Variants in LSP1 observed in about 807,000 individuals in gnomAD.
The protein encoded by LSP1 is lymphocyte specific protein 1, also known as lymphocyte-specific protein 1.
LSP1 carries 32 observed loss-of-function variants against 49.3 expected under a neutral mutation model. The ratio of observed to expected loss-of-function variants is 0.65; its 90% CI spans 0.49 to 0.87. The LOEUF (loss-of-function observed/expected upper bound fraction) is 0.87, where lower values mean the gene tolerates loss of function less well. Ranked by LOEUF, LSP1 falls within the 40% of genes least tolerant of loss-of-function variation. The pLI is 0.00. For missense variants in LSP1, 428 were observed against 442.6 expected (o/e 0.97, Z 0.30); for synonymous variants, 179 against 178.8 (o/e 1.00, Z -0.01).
chr11:1,873,847 G>A (rs964061862), intron 1 of LSP1, among the ~76,000 whole-genome samples: 1 of 136,330 alleles, frequency 7.3e-6, no homozygotes, highest in African/African-American at 2.8e-5. Flanking sequence ...GAGGGAGGCC[G>A]GCAGAGGAGG....
rs1430683994 is a variant in LSP1, at chr11:1,884,064, C to T, written c.591+40C>T. 5 of 1,572,524 alleles carry T rather than the reference C, an allele frequency of 3.2e-6. No individual in the cohort carries two copies. The highest frequency in any genetic ancestry group is 4.3e-6 in the Non-Finnish European group (5 of 1,153,042). On this transcript the variant is annotated intron_variant, in intron 5 of 10. Coordinates refer to ENST00000311604, the MANE Select transcript of LSP1 (RefSeq NM_002339.3). The surrounding 1 kb of genome is among the most constrained non-coding windows in gnomAD (Gnocchi z 4.1). Reference sequence around the variant, plus strand: ...AAAGCCTGCCATCTTCTCCCCTCTCCCGTACTCATACCCAAAAGGCCAATC... The same window carrying T: ...AAAGCCTGCCATCTTCTCCCCTCTCTCGTACTCATACCCAAAAGGCCAATC...
intron 10 of LSP1, 82 bp downstream of exon 10, chr11:1,887,658 T>A: frequency 2.7e-6 from 3 of 1,099,236 alleles, no homozygotes; most frequent in Non-Finnish European, 4.1e-6. Flanking sequence ...GGAGGCTGCC[T>A]GGAGCCCTGT....
At chr11:1,864,351 C>T (rs1320033742) in intron 1 of LSP1, 14 of 603,772 alleles carry the variant, frequency 2.3e-5, no homozygotes, top group South Asian at 7.1e-5. Context: ...AGGTGGGAGG[C>T]GGCGATGGGC....
Position 1,891,966 on chromosome 11 carries a change from C to G in LSP1, c.*207C>G, listed in dbSNP as rs1044563201. 7.2e-5 allele frequency: 11 copies of G among 152,422 alleles called. No homozygotes were observed. The highest frequency in any genetic ancestry group is 2.0e-4 in the Admixed American group (3 of 15,278). 9.4% of individuals were successfully genotyped at this position (152,422 alleles called of 1,614,324 possible). A position where few individuals can be genotyped will look rare whatever the true frequency, so the allele number is the denominator to read the frequency against. On this transcript the variant is annotated 3_prime_UTR_variant, in exon 11 of 11. Transcript: ENST00000311604. ...CCTTTAGCCTCTCTGCCCTTCCACT[C>G]TCTGACCACCGCCCCCGCCCTCCCC... is the stretch of plus-strand genomic sequence containing the variant.
At position 1,884,382 on chromosome 11, in the gene LSP1, G is replaced by A; in HGVS notation, c.635+59G>A. 1.2e-6 allele frequency: 2 copies of A among 1,611,552 alleles called. No homozygotes were observed. The highest frequency in any genetic ancestry group is 1.7e-6 in the Non-Finnish European group (2 of 1,177,820). The stretch of plus-strand genomic sequence containing the variant: ...AGATCTTAGGTTTAACCAAGTGGGG[G>A]TTGAAGGGAGTCACAAGGTAGAGAT... On this transcript the variant is annotated intron_variant, in intron 6 of 10. Coordinates refer to ENST00000311604, the MANE Select transcript of LSP1 (RefSeq NM_002339.3). This position sits in a 1 kb window ranked among gnomAD's most constrained non-coding sequence, Gnocchi z 4.1.
intron 1 of LSP1, among the ~76,000 whole-genome samples, chr11:1,853,531 G>A (rs953826748): frequency 3.3e-5 from 5 of 152,216 alleles, no homozygotes; most frequent in Non-Finnish European, 7.3e-5. Flanking sequence ...AGGAGCTGGG[G>A]ACTGTGGGCC....
chr11:1,889,247 C>T (rs764352352), intron 10 of LSP1: 2 of 674,088 alleles, frequency 3.0e-6, no homozygotes, highest in East Asian at 2.7e-5. Context: ...TGGCCTCCTG[C>T]AGCTTCCGGG....
chr11:1,883,751 G>A (rs1848644949), intron 4 of LSP1, among the ~76,000 whole-genome samples, 181 bp from the exon 5 acceptor site: 1 of 152,148 alleles, frequency 6.6e-6, no homozygotes, highest in Non-Finnish European at 1.5e-5. Context: ...CCTCTTGCAA[G>A]ATCCGGAGAC....
At chr11:1,870,656 G>C (rs35241556) in intron 1 of LSP1, 13 of 1,083,620 alleles carry the variant, frequency 1.2e-5, no homozygotes, top group Non-Finnish European at 1.4e-5. Flanking sequence ...TGTGGCTCCC[G>C]CCCAGGTGGG....
intron 1 of LSP1, chr11:1,866,647 C>T (rs1435814360): frequency 6.4e-7 from 1 of 1,550,446 alleles, no homozygotes; most frequent in East Asian, 2.4e-5. Context: ...GCTGGTCAGA[C>T]CTCCCTCCCT....
intron 1 of LSP1, chr11:1,870,799 G>A: frequency 1.1e-5 from 11 of 989,020 alleles, no homozygotes; most frequent in Non-Finnish European, 1.3e-5. Flanking sequence ...AAAGAGGATG[G>A]CAGAGCCTCG....
At chr11:1,880,445 C>T (rs1234890253) in intron 2 of LSP1, among the ~76,000 whole-genome samples, 1 of 152,050 alleles carries the variant, frequency 6.6e-6, no homozygotes. Flanking sequence ...GCCTCCTGGG[C>T]GCTGACCCAG....
rs749178599 is a variant in LSP1, at chr11:1,884,251, A to G, written c.592-29A>G. The G allele has an allele frequency of 3.1e-6, 5 of 1,613,618 alleles. No homozygotes were observed. Among genetic ancestry groups the G allele is most frequent in the Non-Finnish European group, 4.2e-6 (5 of 1,179,706 alleles). ...GGGTGGGCTTTACCTCGGCTGCTGC[A>G]GGCCTGTGTCTCTCTCCACCCTCTG... is the stretch of plus-strand genomic sequence containing the variant. On this transcript the variant is annotated intron_variant, in intron 5 of 10. Transcript: ENST00000311604. This position sits in a 1 kb window ranked among gnomAD's most constrained non-coding sequence, Gnocchi z 4.1.
intron 1 of LSP1, chr11:1,868,846 C>T (rs114933670): frequency 0.043 from 42,035 of 985,836 alleles, 947 homozygotes; most frequent in African/African-American, 0.052. Flanking sequence ...CTGGGCAGAG[C>T]GGCCAGCAAG....
chr11:1,858,375 G>A (rs984779650), intron 1 of LSP1, among the ~76,000 whole-genome samples: 7 of 152,218 alleles, frequency 4.6e-5, no homozygotes, highest in Non-Finnish European at 8.8e-5. Flanking sequence ...CATGGCCCAA[G>A]CTCAGCAAGC....
chr11:1,878,539 G>A (rs1314047232), intron 1 of LSP1, among the ~76,000 whole-genome samples: 2 of 152,064 alleles, frequency 1.3e-5, no homozygotes, highest in Non-Finnish European at 2.9e-5. Flanking sequence ...CTGTGGCTTC[G>A]GTGGGGGGAG....
rs541104423 is a variant in LSP1, at chr11:1,890,882, C to A, written c.*14-891C>A. On this transcript the variant is annotated intron_variant, in intron 10 of 10. Transcript: ENST00000311604. ...GGCTCTGTCCTCCATGCCACCCCAG[C>A]ACAAAGCAGGCCCCAAGTACACAGC... 1.2e-5 allele frequency: 5 copies of A among 422,646 alleles called. No individual in the cohort carries two copies. The South Asian group carries it at 1.5e-4, about 13-fold the overall frequency. The allele number at this position is 422,646 out of a possible 1,614,324, so 26.2% of individuals were successfully genotyped here. A position where few individuals can be genotyped will look rare whatever the true frequency, so the allele number is the denominator to read the frequency against.
rs544012466 is a variant in LSP1, at chr11:1,868,936, G to A, written c.54-11151G>A. The A allele has an allele frequency of 1.1e-4, 109 of 986,066 alleles. 1 individual carries two copies. In the South Asian group the frequency reaches 4.1e-3, roughly 37 times the overall value. The allele number at this position is 986,066 out of a possible 1,614,324, so 61.1% of individuals were successfully genotyped here. A position where few individuals can be genotyped will look rare whatever the true frequency, so the allele number is the denominator to read the frequency against. On this transcript the variant is annotated intron_variant, in intron 1 of 10. Transcript: ENST00000311604. ...AAAGGGGAGGCACCCTGAGGCCAGA[G>A]GGAGCATGGCCCCGGGGACTGAGCA...
intron 1 of LSP1, among the ~76,000 whole-genome samples, chr11:1,874,828 C>G (rs1848239669): frequency 6.6e-6 from 1 of 152,144 alleles, no homozygotes; most frequent in East Asian, 1.9e-4. Context: ...AAATGCTGCC[C>G]CATGGTGAGG....
Sources: allele counts gnomAD v4.1 joint callset (sites outside exome capture counted in the v4.1 genomes callset), GRCh38; gene constraint gnomAD v4.1.1; non-coding constraint Gnocchi (gnomAD v3.1); transcripts MANE v1.5; gene names NCBI Gene and HGNC (gene_info 2026-07-23, HGNC 2026-07-21).